Variants in NOS3 observed in about 807,000 individuals in gnomAD.
NOS3 encodes the protein nitric oxide synthase 3.
In NOS3, 98 loss-of-function variants were observed where a neutral mutation model predicts 144.9. The observed-to-expected ratio is 0.68, with a 90% confidence interval of 0.57 to 0.80. The LOEUF (loss-of-function observed/expected upper bound fraction) is 0.80. Among genes scored for constraint, NOS3 ranks in the 30% least tolerant of loss-of-function variants. The pLI is 0.00. For missense variants in NOS3, 1,465 were observed against 1,656.4 expected (o/e 0.88, Z 2.01); for synonymous variants, 714 against 702.4 (o/e 1.02, Z -0.26).
intron 17 of NOS3, 125 bp from the exon 18 acceptor site, chr7:151,008,805 C>T (rs1795244692): frequency 1.8e-6 from 2 of 1,126,254 alleles, no homozygotes; most frequent in Non-Finnish European, 2.4e-6. Flanking sequence ...CTGTCCTTGG[C>T]GCCGGCCTCA....
chr7:150,998,817 G>A lies in NOS3; in HGVS notation c.817-129G>A, dbSNP rs1250087735. 5 of 1,457,802 alleles carry A rather than the reference G, an allele frequency of 3.4e-6. No individual in the cohort carries two copies. Among genetic ancestry groups the A allele is most frequent in the Non-Finnish European group, 4.6e-6 (5 of 1,079,926 alleles). The allele number at this position is 1,457,802 out of a possible 1,614,324, so 90.3% of individuals were successfully genotyped here. On this transcript the variant is annotated intron_variant, in intron 7 of 26. Coordinates refer to ENST00000297494, the MANE Select transcript of NOS3 (RefSeq NM_000603.5). The surrounding 1 kb of genome is among the most constrained non-coding windows in gnomAD (Gnocchi z 5.0). ...GGATGAAAAACACCAAAGGAGGGGTGCCTGGGTGGTCACGGAGACCCAGCC... is the reference window on the plus strand; with the variant it reads ...GGATGAAAAACACCAAAGGAGGGGTACCTGGGTGGTCACGGAGACCCAGCC...
Position 150,998,217 on chromosome 7 carries a change from G to A in NOS3, c.583-140G>A. The A allele has an allele frequency of 7.3e-6, 5 of 688,566 alleles. No individual in the cohort carries two copies. In the South Asian group the frequency reaches 9.0e-5, roughly 12 times the overall value. 42.7% of individuals were successfully genotyped at this position (688,566 alleles called of 1,614,324 possible). On this transcript the variant is annotated intron_variant, in intron 5 of 26. Coordinates refer to ENST00000297494, the MANE Select transcript of NOS3 (RefSeq NM_000603.5). The surrounding 1 kb of genome is among the most constrained non-coding windows in gnomAD (Gnocchi z 5.0). Reference sequence around the variant, plus strand: ...CAGAGAGCAGGGCAGGAAGGGATCAGTGTGGCTGCCAATGGTCAGGAGGGC... The same window carrying A: ...CAGAGAGCAGGGCAGGAAGGGATCAATGTGGCTGCCAATGGTCAGGAGGGC...
Position 150,996,835 on chromosome 7 carries a change from G to C in NOS3, c.492G>C (p.Gln164His), listed in dbSNP as rs1237684835. 2 of 1,610,248 alleles carry C rather than the reference G, an allele frequency of 1.2e-6. No homozygotes were observed. Among genetic ancestry groups the C allele is most frequent in the Non-Finnish European group, 1.7e-6 (2 of 1,179,064 alleles). Residue 164 changes from glutamine (Q) to histidine (H), a missense_variant, in exon 5 of 27, where the codon CAG (glutamine) becomes CAC (histidine). Transcript: ENST00000297494. ...EAEVAATGTYQLRESELVFGA... is the reference protein window; with the variant it reads ...EAEVAATGTYHLRESELVFGA... ...AGGTGGCAGCCACAGGCACCTACCA[G>C]CTTAGGGAGAGCGAGCTGGTGTTCG... is the stretch of plus-strand genomic sequence containing the variant.
At chr7:150,992,711 G>GCTC (rs1802280209) in intron 1 of NOS3, among the ~76,000 whole-genome samples, 2 of 151,488 alleles carry the variant, frequency 1.3e-5, no homozygotes, top group South Asian at 4.2e-4. Flanking sequence ...TCTGTCTGCT[G>GCTC]CTCCTAGTCT....
intron 15 of NOS3, 117 bp from the exon 16 acceptor site, chr7:151,006,772 G>A (rs775564937): frequency 2.7e-5 from 23 of 859,790 alleles, no homozygotes; most frequent in African/African-American, 5.0e-5. Context: ...CCTCCCAAGG[G>A]CAGGGCCTTT....
chr7:150,995,159 G>A, intron 2 of NOS3, 44 bp from the exon 3 acceptor site: 3 of 1,185,474 alleles, frequency 2.5e-6, no homozygotes, highest in Non-Finnish European at 3.7e-6. Context: ...AAGGCTGAAA[G>A]GAAACAAACC....
At chr7:150,996,576 G>C in intron 4 of NOS3, 24 bp downstream of exon 4, 1 of 1,577,140 alleles carries the variant, frequency 6.3e-7, no homozygotes, top group African/African-American at 1.4e-5. Context: ...GGACGCCACA[G>C]CCTCCCTTGT....
rs377209786 is a variant in NOS3, at chr7:151,007,085, C to T, written c.1938-17C>T. ...TGGCCTGCAAAGGGAGCTCCACTGA[C>T]GACCCCTGCACCCCAGGTTCTGTGT... On this transcript the variant is annotated splice_polypyrimidine_tract_variant and intron_variant, in intron 16 of 26. Coordinates refer to ENST00000297494, the MANE Select transcript of NOS3 (RefSeq NM_000603.5). 102 of 1,613,998 alleles carry T rather than the reference C, an allele frequency of 6.3e-5. No individual in the cohort carries two copies. The Middle Eastern group carries it at 8.2e-4, about 13-fold the overall frequency.
intron 23 of NOS3, 70 bp from the exon 24 acceptor site, chr7:151,012,281 C>G: frequency 7.0e-7 from 1 of 1,431,560 alleles, no homozygotes; most frequent in Non-Finnish European, 9.4e-7. Context: ...CTTGCTCCAC[C>G]CACCCTGCAT....
Position 150,993,587 on chromosome 7 carries a change from C to T in NOS3, c.-51-166C>T, listed in dbSNP as rs1160800593. ...AGTCCTCACAGCGGAACCCAGGCGT[C>T]CGGCCCCCCACCCTTCAGGCCAGCG... On this transcript the variant is annotated intron_variant, in intron 1 of 26. Coordinates refer to ENST00000297494, the MANE Select transcript of NOS3 (RefSeq NM_000603.5). This position sits in a 1 kb window ranked among gnomAD's most constrained non-coding sequence, Gnocchi z 4.0. 2.0e-5 allele frequency among the ~76,000 whole-genome samples: 3 copies of T among 152,180 alleles called. No homozygotes were observed. Among genetic ancestry groups the T allele is most frequent in the African/African-American group, 7.2e-5 (3 of 41,454 alleles).
chr7:151,010,759 C>A lies in NOS3; in HGVS notation c.2848C>A (p.Pro950Thr). 6.2e-7 allele frequency: 1 copy of A among 1,613,532 alleles called. No individual in the cohort carries two copies. The highest frequency in any genetic ancestry group is 1.3e-5 in the African/African-American group (1 of 75,026). Residue 950 changes from proline to threonine, a missense_variant, in exon 22 of 27, where the codon CCA becomes ACA. By Grantham distance (38) the Pro-to-Thr change is conservative. Around this residue, in one of 5 missense-constraint regions of NOS3, gnomAD observed 106 missense variants for 167.7 expected, o/e 0.63. Coordinates refer to ENST00000297494, the MANE Select transcript of NOS3 (RefSeq NM_000603.5). ...AGTCAGCTCGGCACCCAGCACCCAC[C>A]CAGGAGAGATCCACCTCACTGTAGC... ...YSVSSAPSTH[P>T]GEIHLTVAVL... is the part of the protein sequence containing the mutation.
chr7:151,001,703 A>G, intron 12 of NOS3, 86 bp downstream of exon 12: 1 of 1,569,986 alleles, frequency 6.4e-7, no homozygotes, highest in Non-Finnish European at 8.8e-7. Context: ...CTGCCCCAGC[A>G]GTGTTCTGGG....
In NOS3 at chr7:151,014,140, C is replaced by T. The variant is rs564937301; in HGVS notation, c.3583C>T (p.Pro1195Ser). 4 of 1,610,034 alleles carry T rather than the reference C, an allele frequency of 2.5e-6. No homozygotes were observed. The Admixed American group carries it at 6.7e-5, about 27-fold the overall frequency. The change falls in exon 27 of 27, where the codon CCT becomes TCT. Residue 1195 changes from proline to serine, a missense_variant. Pro to Ser is a moderately conservative substitution (Grantham distance 74, BLOSUM62 -1). Coordinates refer to ENST00000297494, the MANE Select transcript of NOS3 (RefSeq NM_000603.5). ...GGGCGCAGTGCCCTGGGCGTTCGAC[C>T]CTCCCGGCTCAGACACCAACAGCCC... ...LRGAVPWAFD[P>S]PGSDTNSP
rs1795271528 is a variant in NOS3 at position 151,010,111 on chromosome 7, C to T, written c.2513-4C>T. ...CCTCAGAGCTCCCTGTGCACTATCC[C>T]CAGGTGGCCCTCCCCCCGGCTGGGT... On this transcript the variant is annotated splice_polypyrimidine_tract_variant and splice_region_variant and intron_variant, in intron 20 of 26. Transcript: ENST00000297494. 6.3e-7 allele frequency: 1 copy of T among 1,579,076 alleles called. No individual in the cohort carries two copies. The highest frequency in any genetic ancestry group is 8.7e-7 in the Non-Finnish European group (1 of 1,152,154).
Position 151,010,781 on chromosome 7 carries a change from T to C in NOS3, c.2870T>C (p.Val957Ala). 6.2e-7 allele frequency: 1 copy of C among 1,613,032 alleles called. No homozygotes were observed. Among genetic ancestry groups the C allele is most frequent in the Non-Finnish European group, 8.5e-7 (1 of 1,179,578 alleles). The change falls in exon 22 of 27, where the codon GTA (valine) becomes GCA (alanine). Residue 957 changes from valine (V) to alanine (A), a missense_variant. By Grantham distance (64) the Val-to-Ala change is moderately conservative (BLOSUM62 0). Coordinates refer to ENST00000297494, the MANE Select transcript of NOS3 (RefSeq NM_000603.5). Reference protein sequence around the residue: ...STHPGEIHLTVAVLAYRTQDG... With the variant: ...STHPGEIHLTAAVLAYRTQDG... ...CACCCAGGAGAGATCCACCTCACTG[T>C]AGCTGTGCTGGCATACAGGACTCAG...
In NOS3 at chr7:150,993,931, C is replaced by CA; in HGVS notation, c.129dup (p.Ser44IlefsTer39). The CA allele has an allele frequency of 1.9e-6, 3 of 1,575,744 alleles. No homozygotes were observed. The highest frequency in any genetic ancestry group is 2.6e-6 in the Non-Finnish European group (3 of 1,162,732). ...GCCCCTGAGCCCAGCCGGGCCCCAG[C>CA]ATCCCTACTCCCACCAGCGCCAGAA... On this transcript the variant is annotated frameshift_variant, in exon 2 of 27. Coordinates refer to ENST00000297494, the MANE Select transcript of NOS3 (RefSeq NM_000603.5). LOFTEE classifies it high-confidence loss of function. This position sits in a 1 kb window ranked among gnomAD's most constrained non-coding sequence, Gnocchi z 4.0.
At chr7:151,012,883 C>T in intron 24 of NOS3, 1 of 350,124 alleles carries the variant, frequency 2.9e-6, no homozygotes. Context: ...AGGGCTGTGA[C>T]TGGGAGGAGA....
Position 151,010,589 on chromosome 7 carries a change from C to G in NOS3, c.2686-8C>G. The stretch of plus-strand genomic sequence containing the variant: ...GGGCCTCCAACCCACTGCATCCTGC[C>G]CCGCCAGGATCCCCGACGCTACGAG... On this transcript the variant is annotated splice_polypyrimidine_tract_variant and splice_region_variant and intron_variant, in intron 21 of 26. Transcript: ENST00000297494. The G allele has an allele frequency of 6.4e-7, 1 of 1,569,146 alleles. No homozygotes were observed. The highest frequency in any genetic ancestry group is 1.2e-5 in the South Asian group (1 of 84,720).
Position 151,010,667 on chromosome 7 carries a change from C to T in NOS3, c.2756C>T (p.Pro919Leu), listed in dbSNP as rs370602493. Residue 919 changes from proline to leucine, a missense_variant, in exon 22 of 27, where the codon CCG becomes CTG. Coordinates refer to ENST00000297494, the MANE Select transcript of NOS3 (RefSeq NM_000603.5). ...PTLLEVLEQF[P>L]SVALPAPLLL... ...CTGCTGGAGGTGCTGGAGCAGTTCC[C>T]GTCGGTGGCGCTGCCTGCCCCACTG... is the stretch of plus-strand genomic sequence containing the variant. 5 of 1,608,314 alleles carry T rather than the reference C, an allele frequency of 3.1e-6. No individual in the cohort carries two copies. Among genetic ancestry groups the T allele is most frequent in the African/African-American group, 1.3e-5 (1 of 74,898 alleles).
Sources: allele counts gnomAD v4.1 joint callset (sites outside exome capture counted in the v4.1 genomes callset), GRCh38; gene constraint gnomAD v4.1.1; regional missense constraint gnomAD v4.1.1; non-coding constraint Gnocchi (gnomAD v3.1); transcripts MANE v1.5; gene names NCBI Gene and HGNC (gene_info 2026-07-23, HGNC 2026-07-21).